GGNBP2: variants seen among roughly 807,000 people sequenced by gnomAD.
GGNBP2 encodes the protein gametogenetin binding protein 2, also known as gametogenetin-binding protein 2.
In GGNBP2, 10 loss-of-function variants were observed where a neutral mutation model predicts 85.9. The observed-to-expected ratio is 0.12, with a 90% CI of 0.07 to 0.20. The LOEUF (loss-of-function observed/expected upper bound fraction) is 0.20. Ranked by LOEUF, GGNBP2 falls within the 10% of genes least tolerant of loss-of-function variation. The probability of loss-of-function intolerance (pLI) is 1.00; values close to 1 mark genes in which losing one functional copy is unlikely to be tolerated. For synonymous variants in GGNBP2, 287 were observed against 285.7 expected (o/e 1.00, Z -0.05); for missense variants, 595 against 857.8 (o/e 0.69, Z 3.83).
chr17:36,551,451 G>T (rs972845481), intron 2 of GGNBP2, among the ~76,000 whole-genome samples: 1 of 151,932 alleles, frequency 6.6e-6, no homozygotes, highest in African/African-American at 2.4e-5. Context: ...TGATCCACCC[G>T]CCTGGGCCTC....
chr17:36,554,399 C>T (rs1306729665), intron 2 of GGNBP2, among the ~76,000 whole-genome samples: 2 of 65,484 alleles, frequency 3.1e-5, no homozygotes, highest in Non-Finnish European at 5.4e-5. Context: ...CAGAGTTTCA[C>T]TCTTGTTGTC....
At position 36,578,025 on chromosome 17, in the gene GGNBP2, T is replaced by C; in HGVS notation, c.684T>C (p.Asn228=). 1 of 1,614,200 alleles carries C rather than the reference T, an allele frequency of 6.2e-7. No homozygotes were observed. Among genetic ancestry groups the C allele is most frequent in the Non-Finnish European group, 8.5e-7 (1 of 1,180,028 alleles). Residue 228 remains asparagine, a synonymous_variant, in exon 7 of 14, where the codon AAT becomes AAC. Transcript: ENST00000613102. ...DCKNKVLRAY[N]ILIGELDCSK... ...AAAATAAAGTCCTCCGAGCATACAA[T>C]ATCCTTATTGGTGAACTTGACTGCA...
At position 36,557,254 on chromosome 17, in the gene GGNBP2, G is replaced by A; in HGVS notation, c.346G>A (p.Val116Ile). 1.2e-6 allele frequency: 2 copies of A among 1,614,070 alleles called. No homozygotes were observed. Among genetic ancestry groups the A allele is most frequent in the Non-Finnish European group, 1.7e-6 (2 of 1,179,970 alleles). Residue 116 changes from valine (V) to isoleucine (I), a missense_variant, in exon 4 of 14, where the codon GTA becomes ATA. Physicochemically the swap from Val to Ile is conservative, Grantham distance 29. Coordinates refer to ENST00000613102, the MANE Select transcript of GGNBP2 (RefSeq NM_024835.5). ...AAATCCTGCTCTTGAACCCCTAACA[G>A]TAGGGCCCAAGGGAGTCCTGTCTGT... is the stretch of plus-strand genomic sequence containing the variant. ...SGNPALEPLT[V>I]GPKGVLSVTR...
chr17:36,589,385 T>A lies in GGNBP2; in HGVS notation c.2068T>A (p.Trp690Arg). The change falls in exon 14 of 14, where the codon TGG becomes AGG. Residue 690 changes from tryptophan (W) to arginine (R), a missense_variant. Trp to Arg is a moderately radical substitution (Grantham distance 101). Around this residue, in one of 9 missense-constraint regions of GGNBP2, gnomAD observed 26 missense variants for 26.9 expected, o/e 0.97. Coordinates refer to ENST00000613102, the MANE Select transcript of GGNBP2 (RefSeq NM_024835.5). ...TCACAAGAGGCCCATTTGTAGTGGC[T>A]GGTTGACAACGGCTGGAGCAAATTA... The part of the protein sequence containing the change: ...NDHKRPICSG[W>R]LTTAGAN 1.2e-6 allele frequency: 2 copies of A among 1,613,840 alleles called. No individual in the cohort carries two copies. Among genetic ancestry groups the A allele is most frequent in the Non-Finnish European group, 1.7e-6 (2 of 1,179,778 alleles).
intron 9 of GGNBP2, among the ~76,000 whole-genome samples, chr17:36,583,773 T>TA (rs2074674492): frequency 6.6e-6 from 1 of 152,192 alleles, no homozygotes; most frequent in Non-Finnish European, 1.5e-5. Flanking sequence ...GGGAGCAGTA[T>TA]TTTAATATAA....
chr17:36,563,118 T>C (rs1277531423), intron 5 of GGNBP2, among the ~76,000 whole-genome samples: 1 of 151,322 alleles, frequency 6.6e-6, no homozygotes. Flanking sequence ...ATACAAAAAT[T>C]AGCCAGGCGT....
rs779293933 is a variant in GGNBP2, at chr17:36,557,154, A to G, written c.246A>G (p.Ala82=). ...MVVTSREVLS[A]LSQLVPCVGC... ...TGACATCACGCGAAGTCCTGAGTGC[A>G]CTTTCTCAGCTTGTCCCATGTGTTG... Residue 82 remains alanine (A), a synonymous_variant, in exon 4 of 14, where the codon GCA becomes GCG. Transcript: ENST00000613102. 4.3e-6 allele frequency: 7 copies of G among 1,614,034 alleles called. No individual in the cohort carries two copies. The highest frequency in any genetic ancestry group is 5.9e-6 in the Non-Finnish European group (7 of 1,180,012).
chr17:36,553,749 C>G (rs759848352), intron 2 of GGNBP2, among the ~76,000 whole-genome samples: 1 of 152,080 alleles, frequency 6.6e-6, no homozygotes, highest in Non-Finnish European at 1.5e-5. Flanking sequence ...GAAGGCATAT[C>G]TTTTTCCCCC....
At chr17:36,589,010 C>A (rs1192715669) in intron 13 of GGNBP2, among the ~76,000 whole-genome samples, 198 bp from the exon 14 acceptor site, 2 of 152,142 alleles carry the variant, frequency 1.3e-5, no homozygotes, top group African/African-American at 4.8e-5. Flanking sequence ...GGTTTCAACT[C>A]AAGGAGTTGG....
At chr17:36,563,267 G>T (rs972679745) in intron 5 of GGNBP2, among the ~76,000 whole-genome samples, 2 of 151,606 alleles carry the variant, frequency 1.3e-5, no homozygotes, top group Non-Finnish European at 2.9e-5. Context: ...ACTTTGTCTC[G>T]AAATAAATAA....
chr17:36,557,270 T>C lies in GGNBP2; in HGVS notation c.362T>C (p.Val121Ala). 4.3e-6 allele frequency: 7 copies of C among 1,613,692 alleles called. No homozygotes were observed. Among genetic ancestry groups the C allele is most frequent in the Non-Finnish European group, 5.9e-6 (7 of 1,179,826 alleles). The change falls in exon 4 of 14, where the codon GTC becomes GCC. Residue 121 changes from valine to alanine, a missense_variant. This residue lies in a region of GGNBP2 where 216 missense variants were observed against 293.4 expected (regional missense o/e 0.74). Transcript: ENST00000613102. ...LEPLTVGPKG[V>A]LSVTRSCMTD... ...CCCCTAACAGTAGGGCCCAAGGGAGTCCTGTCTGTAACTAGAAGCTGCATG... is the reference window on the plus strand; with the variant it reads ...CCCCTAACAGTAGGGCCCAAGGGAGCCCTGTCTGTAACTAGAAGCTGCATG...
At chr17:36,571,973 C>T (rs2074529768) in intron 6 of GGNBP2, among the ~76,000 whole-genome samples, 1 of 151,866 alleles carries the variant, frequency 6.6e-6, no homozygotes. Flanking sequence ...CACTTGAGCC[C>T]AGGAAGGTTG....
intron 6 of GGNBP2, among the ~76,000 whole-genome samples, chr17:36,569,411 A>G (rs943603295): frequency 7.2e-5 from 11 of 152,294 alleles, no homozygotes; most frequent in Non-Finnish European, 1.3e-4. Context: ...TCAAAAAAAG[A>G]AAAAGCAACT....
Position 36,557,159 on chromosome 17 carries a change from C to T in GGNBP2, c.251C>T (p.Ser84Phe). 1 of 1,614,112 alleles carries T rather than the reference C, an allele frequency of 6.2e-7. No individual in the cohort carries two copies. The highest frequency in any genetic ancestry group is 8.5e-7 in the Non-Finnish European group (1 of 1,180,032). The part of the protein sequence containing the change: ...VTSREVLSAL[S>F]QLVPCVGCRR... ...TCACGCGAAGTCCTGAGTGCACTTT[C>T]TCAGCTTGTCCCATGTGTTGGTTGT... Residue 84 changes from serine to phenylalanine, a missense_variant, in exon 4 of 14, where the codon TCT becomes TTT. Physicochemically the swap from Ser to Phe is radical, Grantham distance 155 (BLOSUM62 -2). Transcript: ENST00000613102.
At chr17:36,582,445 A>G (rs547521269) in intron 9 of GGNBP2, 1 of 152,322 alleles carries the variant, frequency 6.6e-6, no homozygotes, top group South Asian at 2.1e-4. Context: ...TAAGGACAAG[A>G]AAAAAGTCTG....
At chr17:36,573,109 C>G (rs1209042049) in intron 6 of GGNBP2, among the ~76,000 whole-genome samples, 1 of 151,862 alleles carries the variant, frequency 6.6e-6, no homozygotes, top group Non-Finnish European at 1.5e-5. Flanking sequence ...TGATATTATT[C>G]ACTTTTCTTT....
At chr17:36,576,604 T>TGC (rs1489798280) in intron 6 of GGNBP2, 3 of 108,816 alleles carry the variant, frequency 2.8e-5, no homozygotes, top group African/African-American at 4.3e-5. Flanking sequence ...TATGTGTGTG[T>TGC]GTGTGTGTGT....
At chr17:36,557,913 A>G (rs1599507996) in intron 4 of GGNBP2, among the ~76,000 whole-genome samples, 1 of 151,658 alleles carries the variant, frequency 6.6e-6, no homozygotes, top group East Asian at 1.9e-4. Context: ...GGAGGTCGAG[A>G]CCATCCTGAC....
intron 8 of GGNBP2, among the ~76,000 whole-genome samples, chr17:36,581,141 C>T (rs185624925): frequency 4.6e-5 from 7 of 151,930 alleles, no homozygotes; most frequent in African/African-American, 9.7e-5. Context: ...AAAAATTAGC[C>T]GGGCGTGGTG....
Sources: allele counts gnomAD v4.1 joint callset (sites outside exome capture counted in the v4.1 genomes callset), GRCh38; gene constraint gnomAD v4.1.1; regional missense constraint gnomAD v4.1.1; transcripts MANE v1.5; gene names NCBI Gene and HGNC (gene_info 2026-07-23, HGNC 2026-07-21).